The following DLGAP2 variants were observed in gnomAD, a reference collection of about 807,000 sequenced individuals.
The protein encoded by DLGAP2 is disks large-associated protein 2.
Under a neutral mutation model 100.3 loss-of-function variants are expected in DLGAP2, and 26 were observed. The observed-to-expected ratio is 0.26, with a 90% CI of 0.19 to 0.36. The LOEUF (loss-of-function observed/expected upper bound fraction) is 0.36. Ranked by LOEUF, DLGAP2 falls within the 10% of genes least tolerant of loss-of-function variation. The probability of loss-of-function intolerance (pLI) is 1.00; values close to 1 mark genes in which losing one functional copy is unlikely to be tolerated. For missense variants in DLGAP2, 1,858 were observed against 1,453.2 expected (o/e 1.28, Z -4.53); for synonymous variants, 886 against 630.1 (o/e 1.41, Z -6.08).
At chr8:1,245,216 G>A (rs60603727) in intron 2 of DLGAP2, among the ~76,000 whole-genome samples, 30,687 of 152,056 alleles carry the variant, frequency 0.2, 3,787 homozygotes, top group African/African-American at 0.34. Context: ...GAGTTACCAT[G>A]TGACCATAAA....
chr8:930,147 G>C (rs905172062), intron 2 of DLGAP2, among the ~76,000 whole-genome samples: 2 of 152,180 alleles, frequency 1.3e-5, no homozygotes, highest in East Asian at 3.9e-4. Context: ...TCTCCTTTTT[G>C]CAGACCTTAG....
At chr8:1,417,907 C>T (rs939291079) in intron 3 of DLGAP2, among the ~76,000 whole-genome samples, 5 of 152,274 alleles carry the variant, frequency 3.3e-5, no homozygotes, top group African/African-American at 1.2e-4. Context: ...GCCTTTTGCT[C>T]TGATAAAATA....
intron 2 of DLGAP2, among the ~76,000 whole-genome samples, chr8:1,187,789 G>A (rs1276990858): frequency 3.8e-5 from 5 of 130,446 alleles, no homozygotes; most frequent in African/African-American, 7.1e-5. Context: ...CCTCTGTGAC[G>A]TTTGCCTCAT....
intron 2 of DLGAP2, among the ~76,000 whole-genome samples, chr8:1,220,045 T>C (rs1031530646): frequency 6.6e-6 from 1 of 152,094 alleles, no homozygotes; most frequent in Non-Finnish European, 1.5e-5. Context: ...TATTATTTCT[T>C]CTTTCAAAAA....
At chr8:1,524,288 G>T (rs1039515851) in intron 4 of DLGAP2, among the ~76,000 whole-genome samples, 1 of 152,102 alleles carries the variant, frequency 6.6e-6, no homozygotes. Context: ...TCCTTAGAAG[G>T]TTGTCTCTTT....
intron 1 of DLGAP2, among the ~76,000 whole-genome samples, chr8:773,774 G>T (rs371501215): frequency 2.6e-5 from 4 of 152,150 alleles, no homozygotes; most frequent in Non-Finnish European, 4.4e-5. Context: ...TGGTTCCAAG[G>T]CTTTGCTATT....
At chr8:844,315 A>G (rs1358688958) in intron 1 of DLGAP2, among the ~76,000 whole-genome samples, 1 of 152,202 alleles carries the variant, frequency 6.6e-6, no homozygotes, top group East Asian at 1.9e-4. Context: ...GCAAAAAGTT[A>G]TGCCAGTTGT....
chr8:1,419,046 T>G (rs1395838684), intron 3 of DLGAP2, among the ~76,000 whole-genome samples: 1 of 152,264 alleles, frequency 6.6e-6, no homozygotes, highest in Non-Finnish European at 1.5e-5. Context: ...ATGTGGACTC[T>G]CCGTGCCCTC....
At chr8:1,445,093 T>A (rs1451161066) in intron 3 of DLGAP2, among the ~76,000 whole-genome samples, 15 of 130,172 alleles carry the variant, frequency 1.2e-4, no homozygotes, top group South Asian at 2.6e-4. Flanking sequence ...TTTTTTTTTT[T>A]AATTATTATT....
intron 7 of DLGAP2, among the ~76,000 whole-genome samples, chr8:1,630,004 A>C (rs1431429864): frequency 6.6e-6 from 1 of 152,234 alleles, no homozygotes; most frequent in Non-Finnish European, 1.5e-5. Context: ...AGGATTCATC[A>C]TTGGAAACAA....
chr8:1,157,602 G>A (rs1796815928), intron 2 of DLGAP2, among the ~76,000 whole-genome samples: 1 of 152,134 alleles, frequency 6.6e-6, no homozygotes, highest in South Asian at 2.1e-4. Context: ...GTGGCGCTGT[G>A]TTTGTTCTGG....
At chr8:858,146 C>T (rs534045566) in intron 1 of DLGAP2, among the ~76,000 whole-genome samples, 82 of 152,310 alleles carry the variant, frequency 5.4e-4, no homozygotes, top group African/African-American at 1.9e-3. Context: ...CGTTAGCCAC[C>T]GCGCCCAGTG....
intron 2 of DLGAP2, among the ~76,000 whole-genome samples, chr8:1,183,513 T>C (rs1215686178): frequency 6.6e-6 from 1 of 152,170 alleles, no homozygotes; most frequent in Non-Finnish European, 1.5e-5. Context: ...CCTGGAAATA[T>C]CCTTACTGAT....
At chr8:1,662,685 G>C (rs1433753059) in intron 8 of DLGAP2, among the ~76,000 whole-genome samples, 1 of 152,264 alleles carries the variant, frequency 6.6e-6, no homozygotes, top group Non-Finnish European at 1.5e-5. Context: ...CAAATGCCAA[G>C]ACCGCCTACC....
At chr8:1,452,205 G>A (rs1798181345) in intron 3 of DLGAP2, among the ~76,000 whole-genome samples, 1 of 152,204 alleles carries the variant, frequency 6.6e-6, no homozygotes, top group African/African-American at 2.4e-5. Context: ...GTGCTCTGTG[G>A]CCATGTGTTC....
At chr8:1,058,517 A>G (rs1182354522) in intron 2 of DLGAP2, among the ~76,000 whole-genome samples, 1 of 152,202 alleles carries the variant, frequency 6.6e-6, no homozygotes. Flanking sequence ...GGGGCCATGC[A>G]ACAACGTAGC....
chr8:1,150,068 T>A (rs1403452723), intron 2 of DLGAP2, among the ~76,000 whole-genome samples: 1 of 152,246 alleles, frequency 6.6e-6, no homozygotes, highest in Middle Eastern at 3.2e-3. Context: ...CACCTTTCTT[T>A]GCTCTTCATT....
intron 2 of DLGAP2, among the ~76,000 whole-genome samples, chr8:1,053,641 G>C (rs1403393487): frequency 6.6e-6 from 1 of 152,142 alleles, no homozygotes; most frequent in Non-Finnish European, 1.5e-5. Flanking sequence ...TACCGTGTTT[G>C]GAGACGGGAT....
chr8:964,429 C>G (rs777972623), intron 2 of DLGAP2, among the ~76,000 whole-genome samples: 2 of 152,252 alleles, frequency 1.3e-5, no homozygotes, highest in African/African-American at 2.4e-5. Flanking sequence ...TCCCACAGAG[C>G]AGAGTCGCAG....
Sources: allele counts gnomAD v4.1 joint callset (sites outside exome capture counted in the v4.1 genomes callset), GRCh38; gene constraint gnomAD v4.1.1; transcripts MANE v1.5; gene names NCBI Gene and HGNC (gene_info 2026-07-23, HGNC 2026-07-21).